CLIP4: variants seen among roughly 807,000 people sequenced by gnomAD.
CLIP4 encodes CAP-Gly domain containing linker protein family member 4.
CLIP4 carries 47 observed loss-of-function variants against 73.1 expected under a neutral mutation model. That is an observed-to-expected ratio of 0.64 (90% CI 0.51 to 0.82). CLIP4 has a LOEUF of 0.82. Ranked by LOEUF, CLIP4 falls within the 40% of genes least tolerant of loss-of-function variation. The pLI, the probability that CLIP4 is intolerant of heterozygous loss-of-function variation, is 0.00. For missense variants in CLIP4, 874 were observed against 852.9 expected (o/e 1.02, Z -0.31); for synonymous variants, 306 against 295.4 (o/e 1.04, Z -0.37).
upstream of CLIP4, among the ~76,000 whole-genome samples, chr2:29,110,504 G>A (rs758829507): frequency 6.6e-6 from 1 of 152,172 alleles, no homozygotes; most frequent in African/African-American, 2.4e-5. Context: ...GCAAAAAGAA[G>A]AATAGAGTTG....
At chr2:29,127,149 C>G (rs140512122) in intron 2 of CLIP4, among the ~76,000 whole-genome samples, 2 of 152,112 alleles carry the variant, frequency 1.3e-5, no homozygotes, top group African/African-American at 4.8e-5. Context: ...CTCAAGTATG[C>G]CATTCCAGTC....
At chr2:29,107,100 A>C (rs1435500748) in intron 1 of CLIP4, among the ~76,000 whole-genome samples, 2 of 152,114 alleles carry the variant, frequency 1.3e-5, no homozygotes, top group African/African-American at 4.8e-5. Context: ...ATTGTTGACA[A>C]GGTGCAAGCT....
chr2:29,157,349 T>C lies in CLIP4; in HGVS notation c.1399+2T>C. On this transcript the variant is annotated splice_donor_variant, in intron 11 of 15. Coordinates refer to ENST00000320081, the MANE Select transcript of CLIP4 (RefSeq NM_024692.6). LOFTEE classifies it high-confidence loss of function. ...CCCTTTCATCCAGAGCCAGTGCTGG[T>C]ATCTATGGCTTTTTCAACCAGGCTT... 6.2e-7 allele frequency: 1 copy of C among 1,614,018 alleles called. No individual in the cohort carries two copies. Among genetic ancestry groups the C allele is most frequent in the Non-Finnish European group, 8.5e-7 (1 of 1,179,904 alleles).
intron 6 of CLIP4, among the ~76,000 whole-genome samples, chr2:29,141,990 A>G (rs568793538): frequency 5.9e-5 from 9 of 152,172 alleles, no homozygotes; most frequent in African/African-American, 2.2e-4. Flanking sequence ...ATCATCTTTT[A>G]TTAACCTTTT....
chr2:29,100,673 C>T (rs1363681767), intron 1 of CLIP4, among the ~76,000 whole-genome samples: 2 of 151,556 alleles, frequency 1.3e-5, no homozygotes, highest in African/African-American at 4.9e-5. Flanking sequence ...AAGAGGAAGG[C>T]TCTGGAAGTG....
At chr2:29,177,205 T>G (rs1463128653) in intron 15 of CLIP4, among the ~76,000 whole-genome samples, 4 of 151,972 alleles carry the variant, frequency 2.6e-5, no homozygotes, top group African/African-American at 9.7e-5. Flanking sequence ...GGTCAGGAGA[T>G]CGAGATCATC....
At chr2:29,121,599 C>G in intron 2 of CLIP4, 78 bp downstream of exon 2, 1 of 1,493,136 alleles carries the variant, frequency 6.7e-7, no homozygotes. Flanking sequence ...CACTCATAGT[C>G]TTTCTTAGAA....
At position 29,179,326 on chromosome 2, in the gene CLIP4, C is replaced by T. The variant is rs544406454; in HGVS notation, c.1797-2246C>T. 4.6e-5 allele frequency among the ~76,000 whole-genome samples: 7 copies of T among 152,272 alleles called. No individual in the cohort carries two copies. The South Asian group carries it at 6.2e-4, about 14-fold the overall frequency. ...TATGTCATTTAAAACTACATTCTTA[C>T]GACAGAGCCACATTGTTTTAACTAT... is the stretch of plus-strand genomic sequence containing the variant. On this transcript the variant is annotated intron_variant, in intron 15 of 15. Transcript: ENST00000320081.
upstream of CLIP4, among the ~76,000 whole-genome samples, chr2:29,111,803 AT>A (rs998916782): frequency 2.0e-5 from 3 of 151,200 alleles, no homozygotes; most frequent in Non-Finnish European, 4.4e-5. Context: ...AAGTCATACA[AT>A]TTTTTTTTGC....
At chr2:29,157,438 A>G (rs1667001306) in intron 11 of CLIP4, 91 bp downstream of exon 11, 10 of 1,598,928 alleles carry the variant, frequency 6.3e-6, no homozygotes, top group Non-Finnish European at 7.7e-6. Context: ...GTGTAGAAGG[A>G]ACCCTTTACT....
At chr2:29,144,509 A>C (rs150305932) in intron 7 of CLIP4, among the ~76,000 whole-genome samples, 302 of 152,110 alleles carry the variant, frequency 2.0e-3, no homozygotes, top group Non-Finnish European at 3.5e-3. Flanking sequence ...AAAATATCTC[A>C]TATGGGAGGT....
chr2:29,176,338 C>T (rs1389824165), intron 15 of CLIP4, among the ~76,000 whole-genome samples: 1 of 152,190 alleles, frequency 6.6e-6, no homozygotes, highest in Non-Finnish European at 1.5e-5. Flanking sequence ...TGAGATTCAT[C>T]AAACTCTGCT....
At chr2:29,126,808 A>G (rs1664637649) in intron 2 of CLIP4, among the ~76,000 whole-genome samples, 1 of 152,226 alleles carries the variant, frequency 6.6e-6, no homozygotes, top group Non-Finnish European at 1.5e-5. Context: ...AGTTTACATC[A>G]AATCATCCAG....
intron 1 of CLIP4, among the ~76,000 whole-genome samples, chr2:29,120,577 A>G (rs74597953): frequency 4.9e-4 from 75 of 152,294 alleles, no homozygotes; most frequent in African/African-American, 1.8e-3. Context: ...AAAAACAGGA[A>G]TTCATGATAC....
chr2:29,121,581 C>CT, intron 2 of CLIP4, 60 bp downstream of exon 2: 4 of 1,556,108 alleles, frequency 2.6e-6, no homozygotes, highest in Non-Finnish European at 3.5e-6. Flanking sequence ...TCTGTTACGC[C>CT]TTTTTTGCAC....
At chr2:29,119,383 T>A (rs77683245) in intron 1 of CLIP4, among the ~76,000 whole-genome samples, 3,458 of 152,210 alleles carry the variant, frequency 0.023, 115 homozygotes, top group East Asian at 0.092. Flanking sequence ...GCTCTGGGGA[T>A]CACTTAAAAT....
At chr2:29,105,719 G>A (rs1034039303) in intron 1 of CLIP4, among the ~76,000 whole-genome samples, 3 of 152,190 alleles carry the variant, frequency 2.0e-5, no homozygotes, top group African/African-American at 7.2e-5. Flanking sequence ...TTGGAGGTGA[G>A]GCCTTTGGAA....
At chr2:29,154,122 G>T (rs535263269) in intron 9 of CLIP4, among the ~76,000 whole-genome samples, 2 of 152,078 alleles carry the variant, frequency 1.3e-5, no homozygotes, top group South Asian at 4.2e-4. Context: ...TTTTCTACAG[G>T]TATTTTATAT....
upstream of CLIP4, among the ~76,000 whole-genome samples, chr2:29,113,411 C>T (rs1190331630): frequency 1.3e-5 from 2 of 152,184 alleles, no homozygotes; most frequent in African/African-American, 4.8e-5. This position sits in a 1 kb window ranked among gnomAD's most constrained non-coding sequence, Gnocchi z 4.0. Flanking sequence ...ATATCATTGT[C>T]CAGTCTCACT....
Sources: allele counts gnomAD v4.1 joint callset (sites outside exome capture counted in the v4.1 genomes callset), GRCh38; gene constraint gnomAD v4.1.1; non-coding constraint Gnocchi (gnomAD v3.1); transcripts MANE v1.5; gene names NCBI Gene and HGNC (gene_info 2026-07-23, HGNC 2026-07-21).